Variants in ASXL1 observed in about 807,000 individuals in gnomAD.
ASXL1 encodes polycomb group protein ASXL1.
Under a neutral mutation model 89.1 loss-of-function variants are expected in ASXL1, and 65 were observed. That is an observed-to-expected ratio of 0.73 (90% CI 0.60 to 0.90). The LOEUF (loss-of-function observed/expected upper bound fraction) is 0.90. ASXL1 is among the 40% of genes least tolerant of loss of function. ASXL1 has a pLI of 0.00. For missense variants in ASXL1, 1,786 were observed against 1,942.9 expected, an observed-to-expected ratio of 0.92 and a Z score of 1.52; for synonymous variants, 739 against 746.9, an observed-to-expected ratio of 0.99 and a Z score of 0.17.
At chr20:32,419,502 C>T (rs936014182) in intron 4 of ASXL1, among the ~76,000 whole-genome samples, 2 of 152,134 alleles carry the variant, frequency 1.3e-5, no homozygotes, top group Non-Finnish European at 2.9e-5. Flanking sequence ...CATGCCTGGC[C>T]TTACCAAGGT....
At chr20:32,378,711 C>G (rs183216447) in intron 4 of ASXL1, among the ~76,000 whole-genome samples, 222 of 152,092 alleles carry the variant, frequency 1.5e-3, no homozygotes, top group Non-Finnish European at 2.2e-3. Flanking sequence ...TTAGGACTTT[C>G]ATGCTGAAAT....
chr20:32,379,389 G>A (rs2048448367), intron 4 of ASXL1, among the ~76,000 whole-genome samples: 1 of 149,028 alleles, frequency 6.7e-6, no homozygotes, highest in South Asian at 2.1e-4. Flanking sequence ...TTATTTTTTA[G>A]TAGAGATGGA....
At chr20:32,431,180 A>G in intron 8 of ASXL1, 141 bp from the exon 9 acceptor site, 1 of 1,001,626 alleles carries the variant, frequency 1.0e-6, no homozygotes, top group Non-Finnish European at 1.5e-6. Flanking sequence ...TATACAGGTT[A>G]GGATGGACTG....
Position 32,429,361 on chromosome 20 carries a change from T to C in ASXL1, c.495T>C (p.Thr165=). ...SSQANKQKKK[T]GVMLPRVVLT... is the part of the protein sequence containing the mutation. ...AGGCGAACAAACAAAAGAAAAAGAC[T>C]GGGGTGATGCTGCCTCGAGTTGTCC... Residue 165 remains threonine, a synonymous_variant, in exon 7 of 13, where the codon ACT becomes ACC. Coordinates refer to ENST00000375687, the MANE Select transcript of ASXL1 (RefSeq NM_015338.6). The surrounding 1 kb of genome is among the most constrained non-coding windows in gnomAD (Gnocchi z 4.9). 6.2e-7 allele frequency: 1 copy of C among 1,614,094 alleles called. No homozygotes were observed. The highest frequency in any genetic ancestry group is 8.5e-7 in the Non-Finnish European group (1 of 1,180,002).
At chr20:32,375,737 C>A (rs560216396) in intron 4 of ASXL1, among the ~76,000 whole-genome samples, 11 of 150,936 alleles carry the variant, frequency 7.3e-5, no homozygotes, top group African/African-American at 2.7e-4. Flanking sequence ...GGCTGGAGTG[C>A]AGTGGCATGA....
chr20:32,423,815 C>G (rs2011202597), intron 4 of ASXL1, among the ~76,000 whole-genome samples: 1 of 152,166 alleles, frequency 6.6e-6, no homozygotes, highest in South Asian at 2.1e-4. Context: ...TCCCAAAATG[C>G]TGGAATTACA....
intron 4 of ASXL1, among the ~76,000 whole-genome samples, chr20:32,383,813 A>T (rs1224570135): frequency 1.3e-5 from 2 of 152,210 alleles, no homozygotes; most frequent in Admixed American, 1.3e-4. Context: ...GAACTGCAGA[A>T]TATAAGTGGA....
At chr20:32,426,554 C>CTTTTTTTTTTTTTTTTTTTTTT (rs1177815042) in intron 4 of ASXL1, among the ~76,000 whole-genome samples, 4 of 83,944 alleles carry the variant, frequency 4.8e-5, no homozygotes, top group African/African-American at 1.4e-4. Context: ...TTTTTTCTTT[C>CTTTTTTTTTTTTTTTTTTTTTT]TTTTTTTTTT....
intron 4 of ASXL1, among the ~76,000 whole-genome samples, chr20:32,375,771 C>T (rs956772295): frequency 6.6e-5 from 10 of 152,000 alleles, no homozygotes; most frequent in Non-Finnish European, 1.3e-4. Context: ...CAACCTCTGC[C>T]TCCTGTGCTC....
intron 4 of ASXL1, among the ~76,000 whole-genome samples, 180 bp downstream of exon 4, chr20:32,369,303 A>G (rs935194548): frequency 1.3e-5 from 2 of 151,304 alleles, no homozygotes; most frequent in Admixed American, 6.6e-5. Flanking sequence ...CTGGAGTGCA[A>G]TGGGGCGAGA....
chr20:32,385,042 C>G (rs1266668554), intron 4 of ASXL1, among the ~76,000 whole-genome samples: 2 of 151,888 alleles, frequency 1.3e-5, no homozygotes, highest in Admixed American at 6.6e-5. Context: ...TCAGATCAGG[C>G]TTTTGGGGAG....
intron 4 of ASXL1, among the ~76,000 whole-genome samples, chr20:32,398,605 T>TG (rs2048810783): frequency 6.7e-6 from 1 of 148,538 alleles, no homozygotes; most frequent in South Asian, 2.1e-4. Flanking sequence ...TTTTGTTTGT[T>TG]TTTTTTTTTG....
chr20:32,381,509 A>G (rs2048484550), intron 4 of ASXL1, among the ~76,000 whole-genome samples: 1 of 150,838 alleles, frequency 6.6e-6, no homozygotes, highest in African/African-American at 2.4e-5. Context: ...CCTCTTACCA[A>G]AATCTTTTTT....
Position 32,436,347 on chromosome 20 carries a change from C to G in ASXL1, c.3635C>G (p.Ser1212Cys). ...TGCAAGGCAGTCCCAAGTTTTGACT[C>G]CCTCCATCCAGTGACAAATCCCATT... ...KNCKAVPSFDSLHPVTNPITS... is the reference protein window; with the variant it reads ...KNCKAVPSFDCLHPVTNPITS... The change falls in exon 13 of 13, where the codon TCC (serine) becomes TGC (cysteine). Residue 1212 changes from serine (S) to cysteine (C), a missense_variant. By Grantham distance (112) the Ser-to-Cys change is moderately radical. Transcript: ENST00000375687. 1.2e-6 allele frequency: 2 copies of G among 1,613,818 alleles called. No individual in the cohort carries two copies. Among genetic ancestry groups the G allele is most frequent in the Non-Finnish European group, 1.7e-6 (2 of 1,180,028 alleles).
At position 32,433,503 on chromosome 20, in the gene ASXL1, T is replaced by C. The variant is rs2011598593; in HGVS notation, c.1305T>C (p.Val435=). 6 of 1,614,060 alleles carry C rather than the reference T, an allele frequency of 3.7e-6. No individual in the cohort carries two copies. Among genetic ancestry groups the C allele is most frequent in the Non-Finnish European group, 5.1e-6 (6 of 1,180,042 alleles). ...YKKQESEQAG[V]AKDAKSVASD... Reference sequence around the variant, plus strand: ...AACAGGAGTCAGAACAAGCAGGGGTTGCTAAGGATGCAAAATCTGTGGCCT... The same window carrying C: ...AACAGGAGTCAGAACAAGCAGGGGTCGCTAAGGATGCAAAATCTGTGGCCT... The change falls in exon 12 of 13, where the codon GTT becomes GTC. Residue 435 remains valine, a synonymous_variant. Transcript: ENST00000375687.
In ASXL1 at chr20:32,362,151, A is replaced by C. The variant is rs990565765; in HGVS notation, c.57+3319A>C. On this transcript the variant is annotated intron_variant, in intron 1 of 12. Coordinates refer to ENST00000375687, the MANE Select transcript of ASXL1 (RefSeq NM_015338.6). The stretch of plus-strand genomic sequence containing the variant: ...TACTGGAGAATTTGTGAGAGCGTAC[A>C]CTGGACTGAGAGAAACTTGACTAGG... Among the ~76,000 whole-genome samples, 4 of 152,244 alleles carry C rather than the reference A, an allele frequency of 2.6e-5. No homozygotes were observed. The East Asian group carries it at 7.7e-4, about 29-fold the overall frequency.
intron 4 of ASXL1, among the ~76,000 whole-genome samples, chr20:32,396,530 T>G (rs2048764409): frequency 6.6e-6 from 1 of 152,210 alleles, no homozygotes; most frequent in Non-Finnish European, 1.5e-5. Context: ...GTAACAATCT[T>G]TTTCCTTATA....
intron 4 of ASXL1, among the ~76,000 whole-genome samples, chr20:32,376,159 A>G (rs145932494): frequency 6.6e-6 from 1 of 152,304 alleles, no homozygotes; most frequent in African/African-American, 2.4e-5. Flanking sequence ...AGTTTTGCAT[A>G]GTGGTCGACC....
intron 4 of ASXL1, among the ~76,000 whole-genome samples, chr20:32,378,500 T>TC (rs2048427556): frequency 6.6e-6 from 1 of 152,202 alleles, no homozygotes; most frequent in Non-Finnish European, 1.5e-5. Flanking sequence ...TGCTTGGAGC[T>TC]AGTCCTCAGT....
Sources: allele counts gnomAD v4.1 joint callset (sites outside exome capture counted in the v4.1 genomes callset), GRCh38; gene constraint gnomAD v4.1.1; non-coding constraint Gnocchi (gnomAD v3.1); transcripts MANE v1.5; gene names NCBI Gene and HGNC (gene_info 2026-07-23, HGNC 2026-07-21).